Variants in PRKCQ observed in about 807,000 individuals in gnomAD.
The protein encoded by PRKCQ is protein kinase C theta type.
Under a neutral mutation model 91.2 loss-of-function variants are expected in PRKCQ, and 41 were observed. That is an observed-to-expected ratio of 0.45 (90% CI 0.35 to 0.58). The LOEUF (loss-of-function observed/expected upper bound fraction) is 0.58, where lower values mean the gene tolerates loss of function less well. PRKCQ is among the 20% of genes least tolerant of loss of function. PRKCQ has a pLI of 0.00. For synonymous variants in PRKCQ, 307 were observed against 316.9 expected (o/e 0.97, Z 0.33); for missense variants, 673 against 896.5 (o/e 0.75, Z 3.18).
Position 6,497,237 on chromosome 10 carries a change from T to G in PRKCQ, c.557A>C (p.Gln186Pro). 4 of 1,614,182 alleles carry G rather than the reference T, an allele frequency of 2.5e-6. No homozygotes were observed. Among genetic ancestry groups the G allele is most frequent in the Non-Finnish European group, 3.4e-6 (4 of 1,179,998 alleles). ...CHEFVWGLNK[Q>P]GYQCRQCNAA... ...TTACTTACGTCGGCACTGGTAGCCCTGTTTGTTCAGGCCCCTGTAATAAAG... is the reference window on the plus strand; with the variant it reads ...TTACTTACGTCGGCACTGGTAGCCCGGTTTGTTCAGGCCCCTGTAATAAAG... Residue 186 changes from glutamine (Q) to proline (P), a missense_variant, in exon 6 of 18, where the codon CAG (glutamine) becomes CCG (proline). By Grantham distance (76) the Gln-to-Pro change is moderately conservative. Transcript: ENST00000263125. The surrounding 1 kb of genome is among the most constrained non-coding windows in gnomAD (Gnocchi z 4.5).
At chr10:6,442,976 A>AC (rs927076989) in intron 15 of PRKCQ, among the ~76,000 whole-genome samples, 38 of 151,972 alleles carry the variant, frequency 2.5e-4, no homozygotes, top group African/African-American at 8.9e-4. Context: ...AACAAAAAAA[A>AC]CCCCAAAGCA....
intron 16 of PRKCQ, among the ~76,000 whole-genome samples, chr10:6,432,033 A>G (rs1833451640): frequency 6.6e-6 from 1 of 152,258 alleles, no homozygotes; most frequent in South Asian, 2.1e-4. Flanking sequence ...TTAGAAAAGT[A>G]ACAGGTCCCC....
intron 2 of PRKCQ, among the ~76,000 whole-genome samples, chr10:6,513,065 G>A (rs1186560914): frequency 1.3e-5 from 2 of 152,148 alleles, no homozygotes; most frequent in Non-Finnish European, 2.9e-5. Flanking sequence ...CCCAAAGCAA[G>A]GCACTTTTTA....
At chr10:6,445,101 G>A (rs1402908127) in intron 15 of PRKCQ, among the ~76,000 whole-genome samples, 2 of 119,250 alleles carry the variant, frequency 1.7e-5, no homozygotes, top group Non-Finnish European at 3.2e-5. Flanking sequence ...TCCAGCCTAG[G>A]TGACAGAGCA....
At chr10:6,404,244 A>AG in the PRKCQ span, among the ~76,000 whole-genome samples, 51 of 16,828 alleles carry the variant, frequency 3.0e-3, no homozygotes, top group African/African-American at 7.3e-3. Context: ...AGAAAGGGAG[A>AG]GAAGGGGGGG....
chr10:6,510,531 C>T (rs778133517), intron 3 of PRKCQ, among the ~76,000 whole-genome samples: 73 of 152,242 alleles, frequency 4.8e-4, no homozygotes, highest in African/African-American at 6.0e-4. Context: ...GATATCTTAA[C>T]GTGTTCTGAG....
chr10:6,431,073 T>A, intron 16 of PRKCQ, 135 bp from the exon 17 acceptor site: 1 of 1,168,670 alleles, frequency 8.6e-7, no homozygotes, highest in Non-Finnish European at 1.2e-6. Context: ...CAGGACTGAC[T>A]AAAGTCAACC....
downstream of PRKCQ, among the ~76,000 whole-genome samples, chr10:6,425,088 T>C (rs1480239705): frequency 6.6e-6 from 1 of 152,180 alleles, no homozygotes; most frequent in African/African-American, 2.4e-5. Flanking sequence ...CATCAGATGC[T>C]GATTGGTGGA....
intron 1 of PRKCQ, among the ~76,000 whole-genome samples, chr10:6,553,284 C>T (rs1026944610): frequency 6.6e-5 from 10 of 152,012 alleles, no homozygotes; most frequent in African/African-American, 2.2e-4. Flanking sequence ...GAGCTCAGGA[C>T]TTTGAGACCA....
chr10:6,407,470 AGT>A, the PRKCQ span, among the ~76,000 whole-genome samples: 75,200 of 148,664 alleles, frequency 0.51, 19,657 homozygotes, highest in East Asian at 0.66. The surrounding 1 kb of genome is among the most constrained non-coding windows in gnomAD (Gnocchi z 4.0). Flanking sequence ...GTACATGTTC[AGT>A]GTGTGTGTGT....
the PRKCQ span, among the ~76,000 whole-genome samples, chr10:6,411,292 T>C: frequency 3.3e-5 from 5 of 152,170 alleles, no homozygotes; most frequent in Non-Finnish European, 7.3e-5. Context: ...TTAAAGCACT[T>C]AGAAAGTTCC....
the PRKCQ span, among the ~76,000 whole-genome samples, chr10:6,417,553 A>C: frequency 6.6e-6 from 1 of 152,218 alleles, no homozygotes; most frequent in Non-Finnish European, 1.5e-5. Context: ...TGCGATCTAA[A>C]ACGATGCCAG....
At chr10:6,577,285 T>C (rs1841278297) in intron 1 of PRKCQ, among the ~76,000 whole-genome samples, 1 of 152,232 alleles carries the variant, frequency 6.6e-6, no homozygotes. Flanking sequence ...GCTTGGCATG[T>C]TAAAATAATG....
intron 1 of PRKCQ, among the ~76,000 whole-genome samples, chr10:6,575,246 T>A (rs541503836): frequency 3.3e-5 from 5 of 152,356 alleles, no homozygotes; most frequent in African/African-American, 1.2e-4. Flanking sequence ...CGGTGTGTGA[T>A]CTGAGGCTTG....
chr10:6,451,619 A>C (rs1354251159), intron 15 of PRKCQ, among the ~76,000 whole-genome samples: 1 of 152,174 alleles, frequency 6.6e-6, no homozygotes, highest in African/African-American at 2.4e-5. Context: ...GCAGAGACAC[A>C]ACCAAAAAAG....
intron 10 of PRKCQ, 54 bp downstream of exon 10, chr10:6,485,098 G>T: frequency 6.8e-7 from 1 of 1,477,544 alleles, no homozygotes; most frequent in Non-Finnish European, 9.4e-7. Flanking sequence ...ATTAGGTTAG[G>T]GTTAATTGAG....
chr10:6,475,532 G>C (rs1353321316), intron 12 of PRKCQ, among the ~76,000 whole-genome samples: 3 of 152,186 alleles, frequency 2.0e-5, no homozygotes, highest in Admixed American at 2.0e-4. Context: ...AGAATCTCCT[G>C]AATAATCTGG....
chr10:6,425,369 C>G (rs111317763), downstream of PRKCQ, among the ~76,000 whole-genome samples: 1 of 151,938 alleles, frequency 6.6e-6, no homozygotes, highest in Non-Finnish European at 1.5e-5. Context: ...GGATTACAGA[C>G]GCGTGCCACC....
the PRKCQ span, among the ~76,000 whole-genome samples, chr10:6,395,622 C>G: frequency 6.6e-6 from 1 of 152,138 alleles, no homozygotes; most frequent in Non-Finnish European, 1.5e-5. Flanking sequence ...CAAAGGCAGT[C>G]TAGTCCCCAG....
Sources: allele counts gnomAD v4.1 joint callset (sites outside exome capture counted in the v4.1 genomes callset), GRCh38; gene constraint gnomAD v4.1.1; non-coding constraint Gnocchi (gnomAD v3.1); transcripts MANE v1.5; gene names NCBI Gene and HGNC (gene_info 2026-07-23, HGNC 2026-07-21).